CYFIP1: variants seen among roughly 807,000 people sequenced by gnomAD.
The protein encoded by CYFIP1 is cytoplasmic FMR1-interacting protein 1.
In CYFIP1, 58 loss-of-function variants were observed where a neutral mutation model predicts 163.5. The observed-to-expected ratio is 0.35, with a 90% CI of 0.29 to 0.44. CYFIP1 has a LOEUF of 0.44. Among genes scored for constraint, CYFIP1 ranks in the 20% least tolerant of loss-of-function variants. The probability of loss-of-function intolerance (pLI) is 1.00; values close to 1 mark genes in which losing one functional copy is unlikely to be tolerated. For missense variants in CYFIP1, 1,338 were observed against 1,653.8 expected (o/e 0.81, Z 3.31); for synonymous variants, 663 against 660.7 (o/e 1.00, Z -0.05).
At chr15:22,937,032 G>T in intron 9 of CYFIP1, 72 bp downstream of exon 9, 1 of 1,012,164 alleles carries the variant, frequency 9.9e-7, no homozygotes, top group Non-Finnish European at 1.6e-6. Context: ...CAGTCACACA[G>T]GGGCTCACTT....
chr15:22,973,886 A>G (rs2063182026), intron 1 of CYFIP1, among the ~76,000 whole-genome samples: 1 of 152,218 alleles, frequency 6.6e-6, no homozygotes. Context: ...ATATTTCTCA[A>G]AAGAAGGTGT....
chr15:22,912,326 G>T, intron 17 of CYFIP1, 51 bp from the exon 18 acceptor site: 1 of 1,408,324 alleles, frequency 7.1e-7, no homozygotes, highest in Non-Finnish European at 9.8e-7. Context: ...CTCACTCGCA[G>T]CTCCGACAGC....
intron 30 of CYFIP1, among the ~76,000 whole-genome samples, chr15:22,872,022 G>C (rs145783493): frequency 6.6e-6 from 1 of 152,098 alleles, no homozygotes; most frequent in Admixed American, 6.5e-5. Context: ...AGGGCTGGGC[G>C]CGCCTGTAAT....
At chr15:22,943,839 A>C (rs1462899356) in intron 5 of CYFIP1, among the ~76,000 whole-genome samples, 1 of 152,202 alleles carries the variant, frequency 6.6e-6, no homozygotes, top group Non-Finnish European at 1.5e-5. Flanking sequence ...AGCCCCTTCC[A>C]TGTGGCTACT....
intron 1 of CYFIP1, among the ~76,000 whole-genome samples, chr15:22,979,564 C>T (rs1420063534): frequency 6.6e-6 from 1 of 152,194 alleles, no homozygotes; most frequent in Non-Finnish European, 1.5e-5. Flanking sequence ...GTCCAGACGC[C>T]CCTCTCAGCT....
rs190676983 is a variant in CYFIP1, at chr15:22,954,464, T to C, written c.-6-7173A>G. Among the ~76,000 whole-genome samples the C allele has an allele frequency of 1.6e-4, 25 of 152,252 alleles. 1 individual carries two copies. Among genetic ancestry groups the C allele is most frequent in the Admixed American group, 1.6e-3 (24 of 15,290 alleles). The stretch of plus-strand genomic sequence containing the variant: ...TGCTGATCATGAAAATAATACGTGC[T>C]CCATGCAGAAAGAGCACACTGCTGG... On this transcript the variant is annotated intron_variant, in intron 1 of 30. Coordinates refer to ENST00000617928, the MANE Select transcript of CYFIP1 (RefSeq NM_014608.6).
intron 22 of CYFIP1, among the ~76,000 whole-genome samples, chr15:22,895,293 C>A (rs547115219): frequency 6.6e-6 from 1 of 152,064 alleles, no homozygotes; most frequent in Non-Finnish European, 1.5e-5. Flanking sequence ...GGATTACAGG[C>A]GTAAGCCATT....
At position 22,873,119 on chromosome 15, in the gene CYFIP1, C is replaced by T. The variant is rs543181615; in HGVS notation, c.3450-147G>A. On this transcript the variant is annotated intron_variant, in intron 29 of 30. Coordinates refer to ENST00000617928, the MANE Select transcript of CYFIP1 (RefSeq NM_014608.6). ...CCTTCCACAGCCAGGAAGAGAATGC[C>T]GGGCAGCCAGGTGGCTGTTCCCTGG... is the stretch of plus-strand genomic sequence containing the variant. The T allele has an allele frequency of 4.9e-4, 419 of 859,796 alleles. 1 individual carries two copies. The highest frequency in any genetic ancestry group is 1.6e-3 in the Middle Eastern group (6 of 3,712). The allele number at this position is 859,796 out of a possible 1,614,324, so 53.3% of individuals were successfully genotyped here.
At chr15:22,965,563 T>C (rs1434378349) in intron 1 of CYFIP1, among the ~76,000 whole-genome samples, 2 of 151,964 alleles carry the variant, frequency 1.3e-5, no homozygotes, top group Non-Finnish European at 1.5e-5. Context: ...GGCAGTACCA[T>C]CTGGGTGTGT....
At chr15:22,939,556 TTAAAAAAAAAAAAA>T in intron 6 of CYFIP1, 49 bp from the exon 7 acceptor site, 2 of 408,546 alleles carry the variant, frequency 4.9e-6, no homozygotes, top group Non-Finnish European at 7.6e-6. Flanking sequence ...CGTGCCACAT[TTAAAAAAAAAAAAA>T]AAAAAAAAAA....
At chr15:22,961,977 C>A (rs959877734) in intron 1 of CYFIP1, among the ~76,000 whole-genome samples, 5 of 152,110 alleles carry the variant, frequency 3.3e-5, no homozygotes, top group African/African-American at 4.8e-5. Flanking sequence ...AAGAAGTCTG[C>A]CAGCCCAGGC....
At chr15:22,920,857 T>C (rs2061152615) in intron 13 of CYFIP1, among the ~76,000 whole-genome samples, 1 of 152,160 alleles carries the variant, frequency 6.6e-6, no homozygotes, top group East Asian at 1.9e-4. Flanking sequence ...AGAAAAGTTC[T>C]ATTTAAAAAA....
intron 3 of CYFIP1, among the ~76,000 whole-genome samples, chr15:22,946,398 TG>T (rs760916286): frequency 2.0e-4 from 30 of 152,118 alleles, no homozygotes; most frequent in African/African-American, 4.1e-4. Flanking sequence ...CCCAGCACTT[TG>T]GGAGGCTAAG....
intron 11 of CYFIP1, among the ~76,000 whole-genome samples, chr15:22,930,330 G>A (rs1460355524): frequency 2.1e-5 from 3 of 146,208 alleles, no homozygotes; most frequent in Non-Finnish European, 4.5e-5. Context: ...GGCTTGCAGT[G>A]AGCCGAGATT....
Position 22,944,612 on chromosome 15 carries a change from G to T in CYFIP1, c.333C>A (p.Thr111=). 6.2e-7 allele frequency: 1 copy of T among 1,613,856 alleles called. No homozygotes were observed. Among genetic ancestry groups the T allele is most frequent in the South Asian group, 1.1e-5 (1 of 91,058 alleles). ...QPNRVEIYEK[T]VEVLEPEVTK... ...TGACCTCAGGCTCCAGAACCTCCAC[G>T]GTTTTCTCGTAGATTTCCACTCTGT... The change falls in exon 5 of 31, where the codon ACC becomes ACA. Residue 111 remains threonine (T), a synonymous_variant. Transcript: ENST00000617928.
At chr15:22,944,237 T>G (rs2061982618) in intron 5 of CYFIP1, among the ~76,000 whole-genome samples, 1 of 46,076 alleles carries the variant, frequency 2.2e-5, no homozygotes, top group African/African-American at 1.0e-4. Flanking sequence ...AGACTCTGTC[T>G]CAAAAAAAAA....
rs2060912415 is a variant in CYFIP1 at position 22,914,792 on chromosome 15, A to G, written c.1919T>C (p.Ile640Thr). ...CAGGATCCAGGGCATCGACATCTCAATGGGGAACTGGATCCTCCTGCCCAT... is the reference window on the plus strand; with the variant it reads ...CAGGATCCAGGGCATCGACATCTCAGTGGGGAACTGGATCCTCCTGCCCAT... ...LTMGRRIQFP[I>T]EMSMPWILTD... is the part of the protein sequence containing the mutation. Residue 640 changes from isoleucine to threonine, a missense_variant, in exon 17 of 31, where the codon ATT (isoleucine) becomes ACT (threonine). Ile to Thr is a moderately conservative substitution (Grantham distance 89). Around this residue, in one of 4 missense-constraint regions of CYFIP1, gnomAD observed 824 missense variants for 995.7 expected, o/e 0.83. Transcript: ENST00000617928. The G allele has an allele frequency of 6.2e-7, 1 of 1,613,514 alleles. No homozygotes were observed. The highest frequency in any genetic ancestry group is 1.7e-5 in the Admixed American group (1 of 59,978).
At chr15:22,872,722 C>T (rs764228216) in intron 30 of CYFIP1, 103 bp downstream of exon 30, 136 of 1,211,594 alleles carry the variant, frequency 1.1e-4, no homozygotes, top group East Asian at 7.1e-5. Flanking sequence ...TGGCACCTTA[C>T]GTACTAGGAT....
At chr15:22,893,279 C>T in intron 22 of CYFIP1, among the ~76,000 whole-genome samples, 1 of 152,310 alleles carries the variant, frequency 6.6e-6, no homozygotes, top group South Asian at 2.1e-4. Context: ...GCTGCGCTTC[C>T]AGACACGGCG....
Sources: allele counts gnomAD v4.1 joint callset (sites outside exome capture counted in the v4.1 genomes callset), GRCh38; gene constraint gnomAD v4.1.1; regional missense constraint gnomAD v4.1.1; transcripts MANE v1.5; gene names NCBI Gene and HGNC (gene_info 2026-07-23, HGNC 2026-07-21).